IL17RB: variants seen among roughly 807,000 people sequenced by gnomAD.
The protein encoded by IL17RB is interleukin-17 receptor B.
IL17RB carries 36 observed loss-of-function variants against 43.9 expected under a neutral mutation model. The ratio of observed to expected loss-of-function variants is 0.82; its 90% CI spans 0.63 to 1.08. The LOEUF (loss-of-function observed/expected upper bound fraction) is 1.08, where lower values mean the gene tolerates loss of function less well. Ranked by LOEUF, IL17RB falls within the 50% of genes least tolerant of loss-of-function variation. The probability of loss-of-function intolerance (pLI) is 0.00; values close to 1 mark genes in which losing one functional copy is unlikely to be tolerated. For missense variants in IL17RB, 613 were observed against 613.6 expected (o/e 1.00, Z 0.01); for synonymous variants, 225 against 225.4 (o/e 1.00, Z 0.02).
chr3:53,861,551 AAGGCATATCTGT>A (rs1331565392), intron 10 of IL17RB: 4 of 152,242 alleles, frequency 2.6e-5, no homozygotes, highest in African/African-American at 9.6e-5. Context: ...TGCTGTAAGA[AAGGCATATCTGT>A]AGACTCTAAT....
rs1046942650 is a variant in IL17RB, at chr3:53,865,128, C to T, written c.1329C>T (p.Tyr443=). The T allele has an allele frequency of 9.9e-6, 16 of 1,614,154 alleles. No individual in the cohort carries two copies. In the Middle Eastern group the frequency reaches 4.9e-4, roughly 50 times the overall value. ...GAAGCCAGATTCATCTGCACAAATA[C>T]GTGGTGGTCTACTTTAGAGAGATTG... The part of the protein sequence containing the change: ...DLRSQIHLHK[Y]VVVYFREIDT... The change falls in exon 11 of 11, where the codon TAC becomes TAT. Residue 443 remains tyrosine (Y), a synonymous_variant. Coordinates refer to ENST00000288167, the MANE Select transcript of IL17RB (RefSeq NM_018725.4).
Position 53,864,818 on chromosome 3 carries a change from C to G in IL17RB, c.1019C>G (p.Ser340Cys). The G allele has an allele frequency of 6.2e-7, 1 of 1,614,114 alleles. No individual in the cohort carries two copies. Among genetic ancestry groups the G allele is most frequent in the East Asian group, 2.2e-5 (1 of 44,884 alleles). Residue 340 changes from serine (S) to cysteine (C), a missense_variant, in exon 11 of 11, where the codon TCT becomes TGT. Transcript: ENST00000288167. The part of the protein sequence containing the change: ...PPIKVLVVYP[S>C]EICFHHTICY... ...ATTAAGGTTCTTGTGGTTTACCCAT[C>G]TGAAATATGTTTCCATCACACAATT...
At chr3:53,863,507 A>C (rs1699645102) in intron 10 of IL17RB, among the ~76,000 whole-genome samples, 1 of 152,214 alleles carries the variant, frequency 6.6e-6, no homozygotes, top group Non-Finnish European at 1.5e-5. Flanking sequence ...TAAGCTAAGA[A>C]AGCCACAGGG....
At chr3:53,852,324 T>C (rs540562117) in intron 4 of IL17RB, among the ~76,000 whole-genome samples, 198 bp downstream of exon 4, 5 of 152,014 alleles carry the variant, frequency 3.3e-5, no homozygotes, top group Middle Eastern at 6.8e-3. Context: ...GTAGTTTTTG[T>C]AGAGGGGGGT....
intron 3 of IL17RB, among the ~76,000 whole-genome samples, chr3:53,851,671 G>A (rs1309587639): frequency 6.6e-6 from 1 of 152,172 alleles, no homozygotes; most frequent in Non-Finnish European, 1.5e-5. Flanking sequence ...TCTTAAAAGA[G>A]ACCCAGAATA....
chr3:53,851,063 A>G (rs1699128020), intron 3 of IL17RB, among the ~76,000 whole-genome samples: 1 of 152,188 alleles, frequency 6.6e-6, no homozygotes, highest in Non-Finnish European at 1.5e-5. Context: ...TAGATAGATT[A>G]CTTTTCCACT....
At chr3:53,856,439 G>A (rs930634369) in intron 6 of IL17RB, among the ~76,000 whole-genome samples, 1 of 152,222 alleles carries the variant, frequency 6.6e-6, no homozygotes, top group African/African-American at 2.4e-5. Context: ...TCTAGTGGTT[G>A]TAGTCCTGAT....
At chr3:53,862,446 C>T (rs557607048) in intron 10 of IL17RB, among the ~76,000 whole-genome samples, 3 of 152,316 alleles carry the variant, frequency 2.0e-5, no homozygotes, top group African/African-American at 7.2e-5. Context: ...ACAATAAATT[C>T]CTGCAGGAGA....
rs1436894453 is a variant in IL17RB at position 53,857,676 on chromosome 3, G to A, written c.733G>A (p.Gly245Ser). The stretch of plus-strand genomic sequence containing the variant: ...GATTCCAGTGACTGGGGATAGTGAA[G>A]GTGCTACGGTGCAGGTAAAGTTCAG... ...VVIPVTGDSE[G>S]ATVQLTPYFP... is the part of the protein sequence containing the mutation. Residue 245 changes from glycine (G) to serine (S), a missense_variant, in exon 8 of 11, where the codon GGT (glycine) becomes AGT (serine). By Grantham distance (56) the Gly-to-Ser change is moderately conservative. Transcript: ENST00000288167. 3.1e-6 allele frequency: 5 copies of A among 1,613,988 alleles called. No homozygotes were observed. Among genetic ancestry groups the A allele is most frequent in the Non-Finnish European group, 4.2e-6 (5 of 1,179,954 alleles).
chr3:53,849,805 C>T lies in IL17RB; in HGVS notation c.226+10C>T. On this transcript the variant is annotated intron_variant, in intron 3 of 10. Coordinates refer to ENST00000288167, the MANE Select transcript of IL17RB (RefSeq NM_018725.4). Reference sequence around the variant, plus strand: ...GTACTCCGGGCAGATGGTAAGTTTGCATCCATCAGAGATAAGGCCCAAAGT... The same window carrying T: ...GTACTCCGGGCAGATGGTAAGTTTGTATCCATCAGAGATAAGGCCCAAAGT... 2 of 1,591,530 alleles carry T rather than the reference C, an allele frequency of 1.3e-6. No homozygotes were observed. Among genetic ancestry groups the T allele is most frequent in the African/African-American group, 1.3e-5 (1 of 74,396 alleles).
At chr3:53,860,472 A>G (rs1453649235) in intron 10 of IL17RB, 2 of 355,160 alleles carry the variant, frequency 5.6e-6, no homozygotes, top group Non-Finnish European at 1.0e-5. Flanking sequence ...TTTACCATTG[A>G]GCCTTCTACC....
intron 8 of IL17RB, chr3:53,858,318 T>G: frequency 4.9e-6 from 5 of 1,012,858 alleles, no homozygotes; most frequent in Non-Finnish European, 5.9e-6. Context: ...ACTACCCTTT[T>G]CTGGAGAACC....
chr3:53,852,041 G>A lies in IL17RB; in HGVS notation c.269G>A (p.Gly90Asp). The change falls in exon 4 of 11, where the codon GGC becomes GAC. Residue 90 changes from glycine to aspartate, a missense_variant. Coordinates refer to ENST00000288167, the MANE Select transcript of IL17RB (RefSeq NM_018725.4). ...AAGGCCACCAAGATTTGTGTGACGG[G>A]CAAAAGCAACTTCCAGTCCTACAGC... is the stretch of plus-strand genomic sequence containing the variant. ...LLKATKICVT[G>D]KSNFQSYSCV... 2.5e-6 allele frequency: 4 copies of A among 1,614,156 alleles called. No homozygotes were observed. Among genetic ancestry groups the A allele is most frequent in the Non-Finnish European group, 3.4e-6 (4 of 1,180,030 alleles).
intron 7 of IL17RB, 139 bp from the exon 8 acceptor site, chr3:53,857,477 G>A: frequency 1.4e-6 from 1 of 720,076 alleles, no homozygotes; most frequent in Admixed American, 2.1e-5. Context: ...AGTAGAGACG[G>A]TTTCGCCATG....
chr3:53,862,314 G>C (rs774058293), intron 10 of IL17RB, among the ~76,000 whole-genome samples: 1 of 152,136 alleles, frequency 6.6e-6, no homozygotes, highest in African/African-American at 2.4e-5. Context: ...TTTATGGAAA[G>C]GATTGTCAAC....
Position 53,849,723 on chromosome 3 carries a change from C to A in IL17RB, c.154C>A (p.Pro52Thr), listed in dbSNP as rs1482711499. Residue 52 changes from proline (P) to threonine (T), a missense_variant, in exon 3 of 11, where the codon CCT becomes ACT. Coordinates refer to ENST00000288167, the MANE Select transcript of IL17RB (RefSeq NM_018725.4). ...PGDLRDLRVE[P>T]VTTSVATGDY... The stretch of plus-strand genomic sequence containing the variant: ...AGACTTGAGGGACCTCCGAGTAGAA[C>A]CTGTTACAACTAGTGTTGCAACAGG... 2 of 1,613,002 alleles carry A rather than the reference C, an allele frequency of 1.2e-6. No homozygotes were observed.
intron 1 of IL17RB, 134 bp downstream of exon 1, chr3:53,846,782 C>T: frequency 1.1e-6 from 1 of 887,998 alleles, no homozygotes; most frequent in Non-Finnish European, 1.6e-6. Context: ...CCTGCACCCT[C>T]AGGGCAGCCC....
chr3:53,848,710 T>C (rs1166509879), intron 2 of IL17RB, 22 bp downstream of exon 2: 1 of 1,613,078 alleles, frequency 6.2e-7, no homozygotes, highest in South Asian at 1.1e-5. Context: ...AGAGAATGGG[T>C]ATTTGGGGCT....
At chr3:53,859,876 G>A (rs899924097) in intron 9 of IL17RB, 10 of 346,662 alleles carry the variant, frequency 2.9e-5, no homozygotes, top group South Asian at 1.4e-4. Flanking sequence ...GGCTGGGCGC[G>A]GTGACACATG....
Sources: gnomAD v4.1 joint callset for allele counts (sites outside exome capture counted in the v4.1 genomes callset) on GRCh38, gnomAD v4.1.1 for gene constraint, MANE v1.5 for transcripts, NCBI Gene and HGNC (gene_info 2026-07-23, HGNC 2026-07-21) for gene names.